The following SGCZ variants were observed in gnomAD, a reference collection of about 807,000 sequenced individuals.
SGCZ encodes the protein sarcoglycan zeta.
SGCZ carries 40 observed loss-of-function variants against 41.3 expected under a neutral mutation model. The observed-to-expected ratio is 0.97, with a 90% CI of 0.75 to 1.26. SGCZ has a LOEUF of 1.26. Ranked by LOEUF, SGCZ falls within the 50% of genes most tolerant of loss-of-function variation. The pLI, the probability that SGCZ is intolerant of heterozygous loss-of-function variation, is 0.00. For synonymous variants in SGCZ, 206 were observed against 137.5 expected, an observed-to-expected ratio of 1.50 and a Z score of -3.49; for missense variants, 552 against 369.8, an observed-to-expected ratio of 1.49 and a Z score of -4.04.
intron 1 of SGCZ, among the ~76,000 whole-genome samples, chr8:14,900,992 G>C (rs905414553): frequency 1.3e-5 from 2 of 152,136 alleles, no homozygotes; most frequent in African/African-American, 4.8e-5. Flanking sequence ...CTCAGGCTTT[G>C]AGGTTTGATA....
At chr8:14,848,322 C>A (rs895915562) in intron 1 of SGCZ, among the ~76,000 whole-genome samples, 3 of 152,126 alleles carry the variant, frequency 2.0e-5, no homozygotes, top group Non-Finnish European at 4.4e-5. Context: ...GTCAATCAGT[C>A]ATTTGACTTT....
intron 2 of SGCZ, among the ~76,000 whole-genome samples, chr8:14,514,463 A>G (rs947728203): frequency 6.6e-5 from 10 of 152,008 alleles, no homozygotes; most frequent in African/African-American, 2.4e-4. Context: ...TGAGAAGAAT[A>G]TGTATACATT....
rs1166719013 is a variant in SGCZ, at chr8:15,176,730, A to G, written c.39+60855T>C. On this transcript the variant is annotated intron_variant, in intron 1 of 7. Transcript: ENST00000382080. ...AAGAAACTATATGTTGGCCGGACAC[A>G]GTGGCTCACGCCTGTAATCCCAGCA... 3.3e-5 allele frequency among the ~76,000 whole-genome samples: 5 copies of G among 152,214 alleles called. No individual in the cohort carries two copies. In the South Asian group the frequency reaches 6.2e-4, roughly 19 times the overall value.
intron 1 of SGCZ, among the ~76,000 whole-genome samples, chr8:15,011,007 T>C (rs13251017): frequency 0.39 from 58,842 of 152,088 alleles, 12,528 homozygotes; most frequent in Non-Finnish European, 0.47. Context: ...TATCTATTAA[T>C]GAAGCTGAAA....
intron 1 of SGCZ, among the ~76,000 whole-genome samples, chr8:14,670,845 A>G (rs369522645): frequency 6.6e-6 from 1 of 152,336 alleles, no homozygotes; most frequent in African/African-American, 2.4e-5. Flanking sequence ...AGCAAATGTC[A>G]AAGCTCACAT....
chr8:14,641,316 G>C (rs1448612149), intron 1 of SGCZ, among the ~76,000 whole-genome samples: 1 of 151,772 alleles, frequency 6.6e-6, no homozygotes, highest in African/African-American at 2.4e-5. Flanking sequence ...TCTTGATAAA[G>C]TTTCAAGATG....
intron 7 of SGCZ, among the ~76,000 whole-genome samples, chr8:14,093,753 C>A (rs1041923851): frequency 6.6e-6 from 1 of 152,014 alleles, no homozygotes; most frequent in Admixed American, 6.6e-5. Flanking sequence ...TGGATGCAAA[C>A]AAATTTGCTC....
intron 2 of SGCZ, among the ~76,000 whole-genome samples, chr8:14,409,235 T>C (rs1211495061): frequency 6.6e-6 from 1 of 152,122 alleles, no homozygotes; most frequent in Non-Finnish European, 1.5e-5. Context: ...TGAGCATGTA[T>C]ATTACAAGGC....
intron 1 of SGCZ, among the ~76,000 whole-genome samples, chr8:15,076,700 T>C (rs1183234786): frequency 1.3e-5 from 2 of 151,770 alleles, no homozygotes; most frequent in African/African-American, 4.8e-5. Flanking sequence ...TTTGAACTTT[T>C]CTGTATCCTG....
At chr8:14,939,452 C>T (rs186235239) in intron 1 of SGCZ, among the ~76,000 whole-genome samples, 77 of 152,216 alleles carry the variant, frequency 5.1e-4, no homozygotes, top group Non-Finnish European at 7.5e-4. Context: ...TACTAAAACA[C>T]ACTCCCCAAA....
chr8:14,342,456 C>T (rs1802743811), intron 2 of SGCZ, among the ~76,000 whole-genome samples: 1 of 152,070 alleles, frequency 6.6e-6, no homozygotes, highest in Non-Finnish European at 1.5e-5. Flanking sequence ...GCTGGGACTA[C>T]AGGTGCCCGC....
chr8:14,819,989 A>G (rs78042325), intron 1 of SGCZ, among the ~76,000 whole-genome samples: 25,813 of 152,068 alleles, frequency 0.17, 2,752 homozygotes, highest in East Asian at 0.29. Flanking sequence ...AACAACTAAC[A>G]AAATGGCAGG....
At chr8:14,325,180 G>A (rs564070385) in intron 2 of SGCZ, among the ~76,000 whole-genome samples, 3 of 152,174 alleles carry the variant, frequency 2.0e-5, no homozygotes, top group Non-Finnish European at 1.5e-5. Flanking sequence ...GATTAATCTG[G>A]CAGAAGTACT....
chr8:14,279,720 A>C (rs1432400414), intron 3 of SGCZ, among the ~76,000 whole-genome samples: 4 of 152,058 alleles, frequency 2.6e-5, no homozygotes, highest in Non-Finnish European at 5.9e-5. Context: ...ACATGAAAGC[A>C]AATTCCAGCC....
At position 14,606,842 on chromosome 8, in the gene SGCZ, C is replaced by T. The variant is rs573305184; in HGVS notation, c.40-51916G>A. ...TTGCTATCTTTAGTGATAATAGTGG[C>T]TTTTTGTTTGATTCTTTATGTCAAG... On this transcript the variant is annotated intron_variant, in intron 1 of 7. Coordinates refer to ENST00000382080, the MANE Select transcript of SGCZ (RefSeq NM_139167.4). Among the ~76,000 whole-genome samples the T allele has an allele frequency of 2.9e-4, 44 of 152,084 alleles. 1 individual carries two copies. Among genetic ancestry groups the T allele is most frequent in the South Asian group, 1.5e-3 (7 of 4,812 alleles).
intron 1 of SGCZ, among the ~76,000 whole-genome samples, chr8:14,806,210 A>G (rs1801521177): frequency 3.3e-5 from 5 of 151,948 alleles, no homozygotes; most frequent in Admixed American, 2.6e-4. Context: ...AGCTAGCAGA[A>G]GGCAAGAAAT....
chr8:14,190,105 G>T (rs182366715), intron 4 of SGCZ, among the ~76,000 whole-genome samples: 6 of 140,480 alleles, frequency 4.3e-5, no homozygotes, highest in Admixed American at 3.9e-4. Flanking sequence ...CTCCGCCTCT[G>T]GGGTTCACGC....
At chr8:14,563,185 C>G (rs1051786322) in intron 1 of SGCZ, among the ~76,000 whole-genome samples, 3 of 152,152 alleles carry the variant, frequency 2.0e-5, no homozygotes, top group Admixed American at 1.3e-4. Context: ...CAAGCTTGCT[C>G]TGTGTGGATT....
chr8:14,617,284 A>G (rs1357637404), intron 1 of SGCZ, among the ~76,000 whole-genome samples: 1 of 152,198 alleles, frequency 6.6e-6, no homozygotes, highest in Non-Finnish European at 1.5e-5. Context: ...ATACAACAAA[A>G]TTGAACTTAC....
Sources: gnomAD v4.1 joint callset for allele counts (sites outside exome capture counted in the v4.1 genomes callset) on GRCh38, gnomAD v4.1.1 for gene constraint, MANE v1.5 for transcripts, NCBI Gene and HGNC (gene_info 2026-07-23, HGNC 2026-07-21) for gene names.